ZNF536: variants seen among roughly 807,000 people sequenced by gnomAD.
The protein encoded by ZNF536 is zinc finger protein 536.
In ZNF536, 13 loss-of-function variants were observed where a neutral mutation model predicts 84.5. That is an observed-to-expected ratio of 0.15 (90% CI 0.10 to 0.24). ZNF536 has a LOEUF of 0.24. Among genes scored for constraint, ZNF536 ranks in the 10% least tolerant of loss-of-function variants. ZNF536 has a pLI of 1.00. For synonymous variants in ZNF536, 811 were observed against 742.5 expected, an observed-to-expected ratio of 1.09 and a Z score of -1.50; for missense variants, 1,536 against 1,747.5, an observed-to-expected ratio of 0.88 and a Z score of 2.16.
At chr19:30,446,818 C>A (rs537652478) in intron 2 of ZNF536, among the ~76,000 whole-genome samples, 1 of 124,720 alleles carries the variant, frequency 8.0e-6, no homozygotes, top group Non-Finnish European at 1.8e-5. Context: ...ACCAAAACAA[C>A]AACAACAACA....
At chr19:30,567,448 C>T (rs2046395958) in intron 1 of ZNF536, among the ~76,000 whole-genome samples, 1 of 152,200 alleles carries the variant, frequency 6.6e-6, no homozygotes, top group Non-Finnish European at 1.5e-5. Flanking sequence ...AACCCTGAGT[C>T]CTTCCATGTC....
chr19:30,249,597 G>A (rs1349194922), intron 1 of ZNF536, among the ~76,000 whole-genome samples: 1 of 152,188 alleles, frequency 6.6e-6, no homozygotes, highest in Non-Finnish European at 1.5e-5. Context: ...AGGCTTCAGT[G>A]AGCCCTGACT....
At chr19:30,630,542 G>A (rs928741098) in intron 1 of ZNF536, among the ~76,000 whole-genome samples, 3 of 152,208 alleles carry the variant, frequency 2.0e-5, no homozygotes, top group Non-Finnish European at 4.4e-5. Context: ...AGGAACAAGA[G>A]CAGGGCTGGG....
chr19:30,250,587 T>A (rs2024550226), intron 1 of ZNF536, among the ~76,000 whole-genome samples: 1 of 152,274 alleles, frequency 6.6e-6, no homozygotes, highest in Non-Finnish European at 1.5e-5. Flanking sequence ...GAGCAGGACC[T>A]TGCTAGGGCT....
intron 2 of ZNF536, among the ~76,000 whole-genome samples, chr19:30,449,573 A>G (rs549992575): frequency 1.3e-5 from 2 of 152,290 alleles, no homozygotes; most frequent in South Asian, 4.1e-4. Flanking sequence ...AATTCCACAT[A>G]ATTTTGGAGT....
intron 2 of ZNF536, among the ~76,000 whole-genome samples, chr19:30,452,539 A>C (rs2052654381): frequency 6.6e-6 from 1 of 152,152 alleles, no homozygotes; most frequent in African/African-American, 2.4e-5. Flanking sequence ...CTGGTTCTAG[A>C]GAGAGACCGT....
chr19:30,251,277 A>G (rs776923683), intron 1 of ZNF536, among the ~76,000 whole-genome samples: 3 of 152,134 alleles, frequency 2.0e-5, no homozygotes, highest in Non-Finnish European at 4.4e-5. Flanking sequence ...CCACCCATCT[A>G]GTAGATTAAT....
At chr19:30,387,292 G>A (rs1389077515) in intron 1 of ZNF536, among the ~76,000 whole-genome samples, 4 of 152,226 alleles carry the variant, frequency 2.6e-5, no homozygotes, top group African/African-American at 7.2e-5. Flanking sequence ...CAGAGCTGTC[G>A]CTGGTTGCAG....
chr19:30,586,014 T>C (rs1298907641), intron 1 of ZNF536, among the ~76,000 whole-genome samples: 1 of 152,238 alleles, frequency 6.6e-6, no homozygotes. Context: ...AGATCCTCTA[T>C]ATACTTCCTC....
intron 1 of ZNF536, among the ~76,000 whole-genome samples, chr19:30,565,655 T>C (rs2046323967): frequency 6.6e-6 from 1 of 152,228 alleles, no homozygotes; most frequent in African/African-American, 2.4e-5. Context: ...TAGTGAACGC[T>C]GTACACAACA....
intron 1 of ZNF536, among the ~76,000 whole-genome samples, chr19:30,617,622 T>G (rs1262154740): frequency 6.6e-6 from 1 of 151,818 alleles, no homozygotes; most frequent in East Asian, 1.9e-4. Context: ...AGTGCTGGGA[T>G]TACAGGCATG....
intron 2 of ZNF536, among the ~76,000 whole-genome samples, chr19:30,447,238 C>T (rs2052395490): frequency 6.6e-6 from 1 of 152,066 alleles, no homozygotes. Context: ...ATACCTATTT[C>T]GATCTTGGAG....
intron 1 of ZNF536, among the ~76,000 whole-genome samples, chr19:30,605,250 A>G (rs1350604995): frequency 1.3e-5 from 2 of 152,030 alleles, no homozygotes; most frequent in Non-Finnish European, 2.9e-5. Flanking sequence ...TAAGTTCTTT[A>G]GTGGTGATTT....
At chr19:30,511,383 G>A (rs1334123454) in intron 2 of ZNF536, among the ~76,000 whole-genome samples, 2 of 152,104 alleles carry the variant, frequency 1.3e-5, no homozygotes, top group Non-Finnish European at 2.9e-5. Flanking sequence ...CCATAAAAAA[G>A]CCTTCAGGTT....
At chr19:30,661,357 T>A (rs1835101106) in intron 1 of ZNF536, among the ~76,000 whole-genome samples, 1 of 152,180 alleles carries the variant, frequency 6.6e-6, no homozygotes, top group Non-Finnish European at 1.5e-5. Flanking sequence ...GTGATATAAG[T>A]CAGCAGATGC....
At chr19:30,691,977 A>G (rs1333848454) in intron 1 of ZNF536, among the ~76,000 whole-genome samples, 4 of 152,174 alleles carry the variant, frequency 2.6e-5, no homozygotes, top group African/African-American at 9.7e-5. Flanking sequence ...TCCCCTCCAG[A>G]GACCGGGGGT....
chr19:30,366,385 T>TATCTATC (rs2048431927), intron 3 of ZNF536, among the ~76,000 whole-genome samples: 1 of 151,952 alleles, frequency 6.6e-6, no homozygotes, highest in Non-Finnish European at 1.5e-5. Flanking sequence ...TCTATCTATC[T>TATCTATC]ATCTATCTAT....
intron 1 of ZNF536, among the ~76,000 whole-genome samples, chr19:30,597,972 C>A (rs1412027499): frequency 6.6e-6 from 1 of 152,104 alleles, no homozygotes; most frequent in Non-Finnish European, 1.5e-5. Flanking sequence ...GTTATTGTTG[C>A]ATGCATGTTG....
upstream of ZNF536, among the ~76,000 whole-genome samples, chr19:30,226,260 G>A (rs1020858071): frequency 3.9e-5 from 6 of 152,280 alleles, no homozygotes; most frequent in East Asian, 1.9e-4. This position sits in a 1 kb window ranked among gnomAD's most constrained non-coding sequence, Gnocchi z 4.6. Context: ...GGCTGGGGCC[G>A]CGGAAACTTC....
Sources: gnomAD v4.1 joint callset for allele counts (sites outside exome capture counted in the v4.1 genomes callset) on GRCh38, gnomAD v4.1.1 for gene constraint, Gnocchi (gnomAD v3.1) non-coding constraint, MANE v1.5 for transcripts, NCBI Gene and HGNC (gene_info 2026-07-23, HGNC 2026-07-21) for gene names.